Variants in PSMD5 observed in about 807,000 individuals in gnomAD.
PSMD5 encodes proteasome 26S subunit, non-ATPase 5, also known as 26S proteasome non-ATPase regulatory subunit 5.
PSMD5 carries 40 observed loss-of-function variants against 52.1 expected under a neutral mutation model. The ratio of observed to expected loss-of-function variants is 0.77; its 90% CI spans 0.60 to 1.00. The LOEUF (loss-of-function observed/expected upper bound fraction) is 1.00. Ranked by LOEUF, PSMD5 falls within the 50% of genes least tolerant of loss-of-function variation. The pLI, the probability that PSMD5 is intolerant of heterozygous loss-of-function variation, is 0.00. For synonymous variants in PSMD5, 211 were observed against 226.6 expected (o/e 0.93, Z 0.62); for missense variants, 575 against 605.2 (o/e 0.95, Z 0.52).
In PSMD5 at chr9:120,819,662, G is replaced by A. The variant is rs530944965; in HGVS notation, c.1257+1177C>T. 7.2e-5 allele frequency among the ~76,000 whole-genome samples: 11 copies of A among 152,216 alleles called. No individual in the cohort carries two copies. The South Asian group carries it at 1.5e-3, about 20-fold the overall frequency. On this transcript the variant is annotated intron_variant, in intron 9 of 9. Coordinates refer to ENST00000210313, the MANE Select transcript of PSMD5 (RefSeq NM_005047.4). ...ATCCTGGCTAACACAGTGAAACCCC[G>A]TCTCTACTAGAAATACAAAAAGAAA...
chr9:120,839,576 AAAGG>A (rs1263077672), intron 1 of PSMD5, among the ~76,000 whole-genome samples: 2 of 152,190 alleles, frequency 1.3e-5, no homozygotes, highest in Non-Finnish European at 2.9e-5. Context: ...CACTTACAGA[AAAGG>A]AAGGAATCTT....
chr9:120,827,221 CA>C (rs2045128949), intron 5 of PSMD5, among the ~76,000 whole-genome samples: 1 of 152,184 alleles, frequency 6.6e-6, no homozygotes, highest in Admixed American at 6.5e-5. Flanking sequence ...AAATATCATA[CA>C]CAAAAGTAAT....
At chr9:120,828,125 T>A (rs2045135378) in intron 5 of PSMD5, among the ~76,000 whole-genome samples, 1 of 152,134 alleles carries the variant, frequency 6.6e-6, no homozygotes, top group Non-Finnish European at 1.5e-5. Context: ...GCCTTCCCAG[T>A]AGCTAGGATT....
At position 120,842,727 on chromosome 9, in the gene PSMD5, G is replaced by T; in HGVS notation, c.173+10C>A. 1 of 1,613,100 alleles carries T rather than the reference G, an allele frequency of 6.2e-7. No individual in the cohort carries two copies. Among genetic ancestry groups the T allele is most frequent in the Non-Finnish European group, 8.5e-7 (1 of 1,179,978 alleles). Reference sequence around the variant, plus strand: ...CCTCTCCTCGGCTCAAGCCCCCGGGGTCCTCTCACCTATGGTTCTCGTTAA... The same window carrying T: ...CCTCTCCTCGGCTCAAGCCCCCGGGTTCCTCTCACCTATGGTTCTCGTTAA... On this transcript the variant is annotated intron_variant, in intron 1 of 9. Coordinates refer to ENST00000210313, the MANE Select transcript of PSMD5 (RefSeq NM_005047.4).
Position 120,821,362 on chromosome 9 carries a change from T to A in PSMD5, c.1109A>T (p.Tyr370Phe). ...RCLDAISSLL[Y>F]LPPEQQTDDL... is the part of the protein sequence containing the mutation. ...ATTTCCCTACCTACTTACTGGTAAGTACAGAAGAGATGAAATTGCATCCAA... is the reference window on the plus strand; with the variant it reads ...ATTTCCCTACCTACTTACTGGTAAGAACAGAAGAGATGAAATTGCATCCAA... Residue 370 changes from tyrosine to phenylalanine, a missense_variant, in exon 8 of 10, where the codon TAC (tyrosine) becomes TTC (phenylalanine). Tyr to Phe is a conservative substitution (Grantham distance 22). Coordinates refer to ENST00000210313, the MANE Select transcript of PSMD5 (RefSeq NM_005047.4). 6.3e-7 allele frequency: 1 copy of A among 1,583,080 alleles called. No individual in the cohort carries two copies. The highest frequency in any genetic ancestry group is 8.7e-7 in the Non-Finnish European group (1 of 1,155,900).
intron 1 of PSMD5, among the ~76,000 whole-genome samples, chr9:120,837,097 G>C (rs1588072417): frequency 6.6e-6 from 1 of 152,090 alleles, no homozygotes; most frequent in South Asian, 2.1e-4. Flanking sequence ...CACTGTGTTA[G>C]CCAGGATGGT....
At position 120,842,867 on chromosome 9, in the gene PSMD5, G is replaced by A. The variant is rs753280409; in HGVS notation, c.43C>T (p.Leu15=). ...CGTAGCTCCTCCAGCGGCGCTTCCA[G>A]CCTCGCTACCTCTCTCAGCAGCGCC... is the stretch of plus-strand genomic sequence containing the variant. ...ALALLREVAR[L]EAPLEELRAL... is the part of the protein sequence containing the mutation. Residue 15 remains leucine, a synonymous_variant, in exon 1 of 10, where the codon CTG becomes TTG. Transcript: ENST00000210313. 2 of 1,603,122 alleles carry A rather than the reference G, an allele frequency of 1.2e-6. No individual in the cohort carries two copies. The highest frequency in any genetic ancestry group is 1.3e-5 in the African/African-American group (1 of 74,954).
Position 120,817,814 on chromosome 9 carries a change from A to C in PSMD5, c.*92T>G. 1 of 1,334,698 alleles carries C rather than the reference A, an allele frequency of 7.5e-7. No individual in the cohort carries two copies. Among genetic ancestry groups the C allele is most frequent in the Non-Finnish European group, 1.0e-6 (1 of 970,814 alleles). 82.7% of individuals were successfully genotyped at this position (1,334,698 alleles called of 1,614,324 possible). ...ACATTCCATGATAATTCTTGGGGAAAGGAAGTCTCTTTTGTGAAATATAGA... is the reference window on the plus strand; with the variant it reads ...ACATTCCATGATAATTCTTGGGGAACGGAAGTCTCTTTTGTGAAATATAGA... On this transcript the variant is annotated 3_prime_UTR_variant, in exon 10 of 10. Coordinates refer to ENST00000210313, the MANE Select transcript of PSMD5 (RefSeq NM_005047.4).
chr9:120,822,257 C>T (rs2045090633), intron 7 of PSMD5, among the ~76,000 whole-genome samples: 1 of 152,070 alleles, frequency 6.6e-6, no homozygotes, highest in Non-Finnish European at 1.5e-5. Flanking sequence ...CAGTGACAGG[C>T]CTAGAACACA....
rs2045083361 is a variant in PSMD5, at chr9:120,821,400, T to G, written c.1071A>C (p.Leu357=). 6.2e-7 allele frequency: 1 copy of G among 1,608,270 alleles called. No homozygotes were observed. The highest frequency in any genetic ancestry group is 1.3e-5 in the African/African-American group (1 of 74,830). ...GHQSKNAPVE[L]KIRCLDAISS... is the part of the protein sequence containing the mutation. Reference sequence around the variant, plus strand: ...AAATTGCATCCAAACATCTAATTTTTAGCTCCACTGGGGCATTCTTTGATT... The same window carrying G: ...AAATTGCATCCAAACATCTAATTTTGAGCTCCACTGGGGCATTCTTTGATT... The change falls in exon 8 of 10, where the codon CTA becomes CTC. Residue 357 remains leucine (L), a synonymous_variant. Coordinates refer to ENST00000210313, the MANE Select transcript of PSMD5 (RefSeq NM_005047.4).
At chr9:120,830,958 A>G (rs1388322516) in intron 4 of PSMD5, among the ~76,000 whole-genome samples, 1 of 152,050 alleles carries the variant, frequency 6.6e-6, no homozygotes, top group Non-Finnish European at 1.5e-5. Flanking sequence ...ACCACGGCTC[A>G]CTGCTGCTTC....
At chr9:120,840,796 T>G (rs2045229704) in intron 1 of PSMD5, among the ~76,000 whole-genome samples, 1 of 151,974 alleles carries the variant, frequency 6.6e-6, no homozygotes, top group Admixed American at 6.6e-5. Flanking sequence ...ATTTTTGTAT[T>G]TTTAGTAGAG....
At chr9:120,827,571 A>G (rs564177976) in intron 5 of PSMD5, among the ~76,000 whole-genome samples, 1 of 152,298 alleles carries the variant, frequency 6.6e-6, no homozygotes, top group East Asian at 1.9e-4. Context: ...GTTTTTTTCT[A>G]TGTCACAAAA....
chr9:120,829,238 GA>G (rs772395808), intron 4 of PSMD5, 30 bp from the exon 5 acceptor site: 8 of 1,550,490 alleles, frequency 5.2e-6, no homozygotes, highest in East Asian at 4.6e-5. Flanking sequence ...ACAGAAAAAA[GA>G]AAAAGGTCAA....
intron 8 of PSMD5, 139 bp from the exon 9 acceptor site, chr9:120,821,118 T>G: frequency 9.4e-7 from 1 of 1,069,084 alleles, no homozygotes; most frequent in South Asian, 1.8e-5. Flanking sequence ...TGGAGGACTC[T>G]TTCTCAAATC....
Position 120,817,828 on chromosome 9 carries a change from G to A in PSMD5, c.*78C>T. 2 of 1,428,516 alleles carry A rather than the reference G, an allele frequency of 1.4e-6. No individual in the cohort carries two copies. Among genetic ancestry groups the A allele is most frequent in the Non-Finnish European group, 1.9e-6 (2 of 1,052,824 alleles). 88.5% of individuals were successfully genotyped at this position (1,428,516 alleles called of 1,614,324 possible). Reference sequence around the variant, plus strand: ...TTCTTGGGGAAAGGAAGTCTCTTTTGTGAAATATAGATGGAGTCAAATGCC... The same window carrying A: ...TTCTTGGGGAAAGGAAGTCTCTTTTATGAAATATAGATGGAGTCAAATGCC... On this transcript the variant is annotated 3_prime_UTR_variant, in exon 10 of 10. Transcript: ENST00000210313.
Position 120,817,779 on chromosome 9 carries a change from G to A in PSMD5, c.*127C>T. 3 of 1,118,876 alleles carry A rather than the reference G, an allele frequency of 2.7e-6. No homozygotes were observed. The highest frequency in any genetic ancestry group is 3.8e-6 in the Non-Finnish European group (3 of 785,696). 69.3% of individuals were successfully genotyped at this position (1,118,876 alleles called of 1,614,324 possible). On this transcript the variant is annotated 3_prime_UTR_variant, in exon 10 of 10. Transcript: ENST00000210313. ...GAAATATAACAGTGTTGGTAACAAA[G>A]TAACATCTGACATTCCATGATAATT... is the stretch of plus-strand genomic sequence containing the variant.
intron 7 of PSMD5, among the ~76,000 whole-genome samples, chr9:120,822,428 G>T (rs2045091981): frequency 2.0e-5 from 3 of 152,186 alleles, no homozygotes; most frequent in Non-Finnish European, 2.9e-5. Flanking sequence ...GACAATGTAT[G>T]TTCTTTGCAG....
intron 5 of PSMD5, 57 bp downstream of exon 5, chr9:120,829,042 G>A (rs1036748536): frequency 5.4e-6 from 8 of 1,471,750 alleles, no homozygotes; most frequent in African/African-American, 1.4e-5. Flanking sequence ...ATGTCCCAAG[G>A]TTGTTTCCCA....
Sources: gnomAD v4.1 joint callset for allele counts (sites outside exome capture counted in the v4.1 genomes callset) on GRCh38, gnomAD v4.1.1 for gene constraint, MANE v1.5 for transcripts, NCBI Gene and HGNC (gene_info 2026-07-23, HGNC 2026-07-21) for gene names.